The following TEAD2 variants were observed in gnomAD, a reference collection of about 807,000 sequenced individuals.
TEAD2 encodes transcriptional enhancer factor TEF-4.
Under a neutral mutation model 61.4 loss-of-function variants are expected in TEAD2, and 51 were observed. The observed-to-expected ratio is 0.83, with a 90% CI of 0.66 to 1.05. The LOEUF (loss-of-function observed/expected upper bound fraction) is 1.05, where lower values mean the gene tolerates loss of function less well. Ranked by LOEUF, TEAD2 falls within the 50% of genes least tolerant of loss-of-function variation. The pLI, the probability that TEAD2 is intolerant of heterozygous loss-of-function variation, is 0.00. For synonymous variants in TEAD2, 244 were observed against 243.2 expected (o/e 1.00, Z -0.03); for missense variants, 509 against 600.0 (o/e 0.85, Z 1.58).
At chr19:49,354,946 C>T (rs560122058) in intron 7 of TEAD2, among the ~76,000 whole-genome samples, 26 of 152,194 alleles carry the variant, frequency 1.7e-4, no homozygotes, top group Admixed American at 1.4e-3. Context: ...TGCAGTGAGC[C>T]GAGATCGCAC....
At chr19:49,349,521 T>C (rs1411190606) in intron 8 of TEAD2, among the ~76,000 whole-genome samples, 1 of 151,712 alleles carries the variant, frequency 6.6e-6, no homozygotes, top group African/African-American at 2.4e-5. Context: ...TGGGAAGTGC[T>C]TGGGTCATGG....
chr19:49,343,615 T>A (rs967298118), intron 10 of TEAD2, among the ~76,000 whole-genome samples: 1 of 151,944 alleles, frequency 6.6e-6, no homozygotes, highest in African/African-American at 2.4e-5. Context: ...GGTGCATGCT[T>A]GTAATCCCAG....
At chr19:49,356,213 C>T in intron 4 of TEAD2, 1 of 377,612 alleles carries the variant, frequency 2.6e-6, no homozygotes, top group East Asian at 3.8e-5. Context: ...CCAGAAGGTT[C>T]CCAGATGTCC....
intron 8 of TEAD2, among the ~76,000 whole-genome samples, chr19:49,350,578 A>G (rs1028463577): frequency 1.3e-5 from 2 of 151,578 alleles, no homozygotes; most frequent in African/African-American, 4.8e-5. Context: ...CAGGTGATCC[A>G]CCCGCCTAGG....
At position 49,360,063 on chromosome 19, in the gene TEAD2, G is replaced by C; in HGVS notation, c.13C>G (p.Arg5Gly). The change falls in exon 2 of 13, where the codon CGG (arginine) becomes GGG (glycine). Residue 5 changes from arginine (R) to glycine (G), a missense_variant. Transcript: ENST00000593945. ...CCATCGTCCAGGGCGGCCCCAGCCC[G>C]GGGTTCCCCCATCTGGGCCTGGAGG... MGEPRAGAALDDGSG... is the reference protein window; with the variant it reads MGEPGAGAALDDGSG... 5 of 1,605,746 alleles carry C rather than the reference G, an allele frequency of 3.1e-6. No homozygotes were observed. The highest frequency in any genetic ancestry group is 4.2e-6 in the Non-Finnish European group (5 of 1,179,634).
In TEAD2 at chr19:49,341,837, G is replaced by A. The variant is rs1971291182; in HGVS notation, c.1243-400C>T. On this transcript the variant is annotated intron_variant, in intron 12 of 12. Coordinates refer to ENST00000593945, the MANE Select transcript of TEAD2 (RefSeq NM_001256660.2). The surrounding 1 kb of genome is among the most constrained non-coding windows in gnomAD (Gnocchi z 4.2). ...CATATCATGTTCCTTGACAAGCTGAGGATCTGCCTTCGAGTGCCCTCCAGT... is the reference window on the plus strand; with the variant it reads ...CATATCATGTTCCTTGACAAGCTGAAGATCTGCCTTCGAGTGCCCTCCAGT... Among the ~76,000 whole-genome samples, 1 of 152,134 alleles carries A rather than the reference G, an allele frequency of 6.6e-6. No individual in the cohort carries two copies. The highest frequency in any genetic ancestry group is 2.4e-5 in the African/African-American group (1 of 41,426).
At chr19:49,343,736 C>A (rs1368282950) in intron 10 of TEAD2, among the ~76,000 whole-genome samples, 1 of 148,418 alleles carries the variant, frequency 6.7e-6, no homozygotes, top group East Asian at 2.0e-4. Flanking sequence ...GAAACTCCAT[C>A]TTAAAAAAAA....
chr19:49,356,400 A>T (rs961236032), intron 4 of TEAD2: 1 of 149,902 alleles, frequency 6.7e-6, no homozygotes, highest in Admixed American at 6.7e-5. Context: ...AAAAAAAAAA[A>T]CCAGAAGCGA....
intron 5 of TEAD2, 116 bp from the exon 6 acceptor site, chr19:49,355,535 A>G: frequency 1.2e-6 from 1 of 842,850 alleles, no homozygotes; most frequent in Non-Finnish European, 1.9e-6. Flanking sequence ...AGTCAAGGCA[A>G]AGGGTTAGTG....
Position 49,341,390 on chromosome 19 carries a change from A to G in TEAD2, c.1290T>C (p.Tyr430=). 3 of 1,614,096 alleles carry G rather than the reference A, an allele frequency of 1.9e-6. No homozygotes were observed. The highest frequency in any genetic ancestry group is 2.5e-6 in the Non-Finnish European group (3 of 1,179,978). ...DTQELLLCTA[Y]VFEVSTSERG... ...GCTCGCTGGTGGAGACCTCGAAGAC[A>G]TAGGCGGTGCAGAGCAGCAGTTCCT... The change falls in exon 13 of 13, where the codon TAT becomes TAC. Residue 430 remains tyrosine, a synonymous_variant. Transcript: ENST00000593945. This position sits in a 1 kb window ranked among gnomAD's most constrained non-coding sequence, Gnocchi z 4.2.
At chr19:49,345,677 T>C (rs1052842420) in intron 10 of TEAD2, among the ~76,000 whole-genome samples, 2 of 151,996 alleles carry the variant, frequency 1.3e-5, no homozygotes, top group Admixed American at 6.6e-5. Context: ...AGAGACTAGA[T>C]CCCTCCACCA....
Position 49,342,441 on chromosome 19 carries a change from G to T in TEAD2, c.1239C>A (p.Leu413=). 1 of 1,613,314 alleles carries T rather than the reference G, an allele frequency of 6.2e-7. No individual in the cohort carries two copies. Among genetic ancestry groups the T allele is most frequent in the Non-Finnish European group, 8.5e-7 (1 of 1,179,306 alleles). Residue 413 remains leucine, a synonymous_variant, in exon 12 of 13, where the codon CTC becomes CTA. Transcript: ENST00000593945. ...CCAGCCCAGCCCCAGGCATCACCTG[G>T]AGGATGGTGAAGTTTTCCAGGACGC... ...MNSVLENFTI[L]QVVTNRDTQE...
At chr19:49,347,527 G>T in intron 9 of TEAD2, 164 bp from the exon 10 acceptor site, 1 of 727,654 alleles carries the variant, frequency 1.4e-6, no homozygotes. Context: ...CCCCACTCCT[G>T]CTTCTGCACC....
intron 7 of TEAD2, among the ~76,000 whole-genome samples, chr19:49,354,106 ACT>A: frequency 6.7e-6 from 1 of 148,748 alleles, no homozygotes; most frequent in Non-Finnish European, 1.5e-5. Context: ...CCCTCACTAC[ACT>A]CTTTCTCTGA....
intron 10 of TEAD2, among the ~76,000 whole-genome samples, chr19:49,343,864 G>A (rs774125272): frequency 1.4e-5 from 2 of 142,806 alleles, no homozygotes; most frequent in Non-Finnish European, 3.1e-5. Flanking sequence ...TTGGGGGGGG[G>A]GGAACAGGGT....
rs111961902 is a variant in TEAD2 at position 49,359,130 on chromosome 19, C to A, written c.297+305G>T. 4.5e-3 allele frequency among the ~76,000 whole-genome samples: 688 copies of A among 152,044 alleles called. 7 individuals carry two copies. Among genetic ancestry groups the A allele is most frequent in the African/African-American group, 0.016 (651 of 41,518 alleles). ...GTGCATGTCTGTAATCCCTGCTACT[C>A]GGGAGGCTGAGACAGGAGAATTGCT... On this transcript the variant is annotated intron_variant, in intron 3 of 12. Transcript: ENST00000593945. The surrounding 1 kb of genome is among the most constrained non-coding windows in gnomAD (Gnocchi z 4.1).
intron 6 of TEAD2, 38 bp downstream of exon 6, chr19:49,355,274 C>T: frequency 6.2e-7 from 1 of 1,613,810 alleles, no homozygotes; most frequent in South Asian, 1.1e-5. Context: ...ATCCATCCCC[C>T]TTTGCCCCCA....
intron 8 of TEAD2, among the ~76,000 whole-genome samples, chr19:49,349,462 C>CAAA (rs754141778): frequency 2.1e-5 from 2 of 97,498 alleles, no homozygotes; most frequent in Non-Finnish European, 2.2e-5. Flanking sequence ...GACTCTGTCT[C>CAAA]AAAAAAAAAA....
intron 12 of TEAD2, among the ~76,000 whole-genome samples, chr19:49,342,062 C>T (rs903323414): frequency 1.5e-4 from 23 of 151,982 alleles, no homozygotes; most frequent in African/African-American, 5.6e-4. Flanking sequence ...CGTGGTGGGG[C>T]GTGCCTGTAA....
Sources: gnomAD v4.1 joint callset for allele counts (sites outside exome capture counted in the v4.1 genomes callset) on GRCh38, gnomAD v4.1.1 for gene constraint, Gnocchi (gnomAD v3.1) non-coding constraint, MANE v1.5 for transcripts, NCBI Gene and HGNC (gene_info 2026-07-23, HGNC 2026-07-21) for gene names.